BMX: variants seen among roughly 807,000 people sequenced by gnomAD.
The protein encoded by BMX is cytoplasmic tyrosine-protein kinase BMX.
Under a neutral mutation model 59.2 loss-of-function variants are expected in BMX, and 31 were observed. That is an observed-to-expected ratio of 0.52 (90% confidence interval 0.39 to 0.71). The LOEUF is 0.71. Among genes scored for constraint, BMX ranks in the 30% least tolerant of loss-of-function variants. The pLI is 0.00. For missense variants in BMX, 474 were observed against 491.7 expected (o/e 0.96, Z 0.34); for synonymous variants, 185 against 181.0 (o/e 1.02, Z -0.18).
rs1177781301 is a variant in BMX at position 15,531,371 on chromosome X, G to A, written c.983G>A (p.Gly328Glu). 1.7e-6 allele frequency: 2 copies of A among 1,207,652 alleles called. No homozygotes were observed. Among genetic ancestry groups the A allele is most frequent in the East Asian group, 3.0e-5 (1 of 33,732 alleles). Residue 328 changes from glycine to glutamate, a missense_variant, in exon 11 of 19, where the codon GGA becomes GAA. Physicochemically the swap from Gly to Glu is moderately conservative, Grantham distance 98. Coordinates refer to ENST00000348343, the MANE Select transcript of BMX (RefSeq NM_203281.3). ...ATGGTTAGAAATTCGAGCCAAGTGG[G>A]AATGTACACAGTGTCCTTATTTAGT... Reference protein sequence around the residue: ...AFMVRNSSQVGMYTVSLFSKA... With the variant: ...AFMVRNSSQVEMYTVSLFSKA...
intron 12 of BMX, 32 bp downstream of exon 12, chrX:15,534,371 C>T (rs988832051): frequency 5.3e-6 from 6 of 1,124,856 alleles, no homozygotes; most frequent in Non-Finnish European, 7.0e-6. Context: ...TTTATGGGCC[C>T]TTGTTGTAAA....
chrX:15,530,134 G>T, intron 10 of BMX, 107 bp downstream of exon 10: 1 of 767,770 alleles, frequency 1.3e-6, no homozygotes, highest in East Asian at 3.4e-5. Context: ...ATATAGTCAA[G>T]TCATTGTAGT....
At chrX:15,528,426 A>G (rs1924899060) in intron 9 of BMX, among the ~76,000 whole-genome samples, 1 of 112,007 alleles carries the variant, frequency 8.9e-6, no homozygotes, top group Admixed American at 9.4e-5. Flanking sequence ...TCAGAGGCTG[A>G]GCTAGGCAGA....
At chrX:15,546,713 A>C in intron 16 of BMX, 90 bp from the exon 17 acceptor site, 1 of 687,752 alleles carries the variant, frequency 1.5e-6, no homozygotes, top group South Asian at 3.0e-5. Flanking sequence ...AAACTGAGGC[A>C]ATCGACTGAG....
At chrX:15,512,380 T>G (rs1295149693) in intron 4 of BMX, among the ~76,000 whole-genome samples, 1 of 112,005 alleles carries the variant, frequency 8.9e-6, no homozygotes, top group Non-Finnish European at 1.9e-5. Context: ...TTATTTTACT[T>G]AAGTTTTAGG....
rs778436686 is a variant in BMX at position 15,531,376 on chromosome X, TAC to T, written c.992_993del (p.Thr331SerfsTer5). The T allele has an allele frequency of 2.5e-6, 3 of 1,207,030 alleles. No homozygotes were observed. In the East Asian group the frequency reaches 8.9e-5, roughly 36 times the overall value. ...MVRNSSQVGMYTVSLFSKAVN... is the reference protein window; with the variant it reads ...MVRNSSQVGMXTVSLFSKAVN... Reference sequence around the variant, plus strand: ...TAGAAATTCGAGCCAAGTGGGAATGTACACAGTGTCCTTATTTAGTAAGGCTG... The same window carrying T: ...TAGAAATTCGAGCCAAGTGGGAATGTACAGTGTCCTTATTTAGTAAGGCTG... On this transcript the variant is annotated frameshift_variant, in exon 11 of 19. Transcript: ENST00000348343. LOFTEE classifies it high-confidence loss of function.
intron 11 of BMX, among the ~76,000 whole-genome samples, chrX:15,533,795 A>G: frequency 9.0e-6 from 1 of 111,694 alleles, no homozygotes; most frequent in African/African-American, 3.3e-5. Context: ...AGGATACCCA[A>G]CAGCCTAATC....
chrX:15,534,463 C>T, intron 12 of BMX, 124 bp downstream of exon 12: 1 of 609,148 alleles, frequency 1.6e-6, no homozygotes, highest in Non-Finnish European at 2.3e-6. Context: ...AAAATCCTCT[C>T]AAGTCTTTTG....
Position 15,549,938 on chromosome X carries a change from TAC to T in BMX, c.1895_1896del (p.Tyr632SerfsTer35). 4.1e-6 allele frequency: 5 copies of T among 1,209,889 alleles called. No individual in the cohort carries two copies. Among genetic ancestry groups the T allele is most frequent in the Non-Finnish European group, 5.6e-6 (5 of 894,661 alleles). ...VLKVSQGHRL[Y>X]RPHLASDTIY... is the part of the protein sequence containing the mutation. ...GAAGGTCTCCCAGGGCCACAGGCTTTACCGGCCCCACCTGGCATCGGACACCA... is the reference window on the plus strand; with the variant it reads ...GAAGGTCTCCCAGGGCCACAGGCTTTCGGCCCCACCTGGCATCGGACACCA... On this transcript the variant is annotated frameshift_variant, in exon 18 of 19. Coordinates refer to ENST00000348343, the MANE Select transcript of BMX (RefSeq NM_203281.3). LOFTEE classifies it high-confidence loss of function.
At chrX:15,552,097 T>C (rs1388137629) in intron 18 of BMX, among the ~76,000 whole-genome samples, 1 of 112,593 alleles carries the variant, frequency 8.9e-6, no homozygotes, top group Non-Finnish European at 1.9e-5. Context: ...TTGTTTTTAC[T>C]TTGTCCTTTG....
intron 17 of BMX, among the ~76,000 whole-genome samples, chrX:15,549,443 C>G (rs1926090774): frequency 8.9e-6 from 1 of 112,037 alleles, no homozygotes. Flanking sequence ...TGGGTGAGGA[C>G]ATCAACCACT....
chrX:15,529,955 A>AT lies in BMX; in HGVS notation c.885-11dup, dbSNP rs1232713217. The AT allele has an allele frequency of 4.2e-6, 5 of 1,196,918 alleles. No homozygotes were observed. In the African/African-American group the frequency reaches 5.3e-5, roughly 13 times the overall value. ...TAAAACTTATTGATTCTCACATATA[A>AT]TTTTTTTCCTTTTGCAGCTGGTTTG... On this transcript the variant is annotated splice_polypyrimidine_tract_variant and intron_variant, in intron 9 of 18. Transcript: ENST00000348343.
intron 16 of BMX, among the ~76,000 whole-genome samples, chrX:15,545,986 C>T (rs1925928574): frequency 8.9e-6 from 1 of 112,403 alleles, no homozygotes; most frequent in Non-Finnish European, 1.9e-5. Flanking sequence ...AATGGAATCA[C>T]ATTATACACA....
At chrX:15,529,335 C>G (rs756600895) in intron 9 of BMX, among the ~76,000 whole-genome samples, 7 of 111,778 alleles carry the variant, frequency 6.3e-5, no homozygotes, top group African/African-American at 1.3e-4. Flanking sequence ...CCTCACCCCC[C>G]TCTTGTACTT....
At chrX:15,527,279 T>TAC (rs1419574021) in intron 9 of BMX, among the ~76,000 whole-genome samples, 7 of 53,016 alleles carry the variant, frequency 1.3e-4, no homozygotes, top group African/African-American at 5.7e-4. Flanking sequence ...TATATATATA[T>TAC]ATATACACAC....
At chrX:15,507,029 G>A (rs1435850835) in intron 1 of BMX, among the ~76,000 whole-genome samples, 1 of 112,730 alleles carries the variant, frequency 8.9e-6, no homozygotes. Context: ...CACTTTGAGA[G>A]TTGTGTGGTC....
intron 16 of BMX, among the ~76,000 whole-genome samples, chrX:15,545,272 G>C (rs916954309): frequency 6.2e-5 from 7 of 112,065 alleles, no homozygotes; most frequent in Non-Finnish European, 1.3e-4. Context: ...AAAAGTTTTA[G>C]AGCAGGAAGG....
intron 9 of BMX, among the ~76,000 whole-genome samples, chrX:15,529,518 T>G (rs1212779140): frequency 8.9e-6 from 1 of 112,613 alleles, no homozygotes; most frequent in Non-Finnish European, 1.9e-5. Context: ...CTTGGCCTGT[T>G]GAGCTCCACA....
At chrX:15,547,696 C>A (rs773920858) in intron 17 of BMX, among the ~76,000 whole-genome samples, 7 of 111,866 alleles carry the variant, frequency 6.3e-5, no homozygotes, top group African/African-American at 1.9e-4. Flanking sequence ...CTATGTGGCC[C>A]TTTATAGGAT....
Sources: gnomAD v4.1 joint callset for allele counts (sites outside exome capture counted in the v4.1 genomes callset) on GRCh38, gnomAD v4.1.1 for gene constraint, MANE v1.5 for transcripts, NCBI Gene and HGNC (gene_info 2026-07-23, HGNC 2026-07-21) for gene names.